The following DYNC2H1 variants were observed in gnomAD, a reference collection of about 807,000 sequenced individuals.
DYNC2H1 encodes the protein cytoplasmic dynein 2 heavy chain 1.
Under a neutral mutation model 570.0 loss-of-function variants are expected in DYNC2H1, and 410 were observed. That is an observed-to-expected ratio of 0.72 (90% CI 0.66 to 0.78). The LOEUF (loss-of-function observed/expected upper bound fraction) is 0.78, where lower values mean the gene tolerates loss of function less well. Among genes scored for constraint, DYNC2H1 ranks in the 30% least tolerant of loss-of-function variants. DYNC2H1 has a pLI of 0.00. For missense variants in DYNC2H1, 4,865 were observed against 5,046.4 expected, an observed-to-expected ratio of 0.96 and a Z score of 1.09; for synonymous variants, 1,688 against 1,677.6, an observed-to-expected ratio of 1.01 and a Z score of -0.15.
intron 73 of DYNC2H1, among the ~76,000 whole-genome samples, chr11:103,285,093 T>C (rs1866293709): frequency 6.6e-6 from 1 of 152,184 alleles, no homozygotes; most frequent in Admixed American, 6.5e-5. Flanking sequence ...TAGAAAAACA[T>C]TCTTTGTTTT....
intron 45 of DYNC2H1, among the ~76,000 whole-genome samples, chr11:103,190,960 C>CT (rs10707668): frequency 0.13 from 14,095 of 110,360 alleles, 833 homozygotes; most frequent in Non-Finnish European, 0.15. Flanking sequence ...GCTTTTTAGC[C>CT]TTTTTTTTTT....
chr11:103,232,180 G>T (rs188160761), intron 60 of DYNC2H1, among the ~76,000 whole-genome samples: 1 of 151,910 alleles, frequency 6.6e-6, no homozygotes, highest in Non-Finnish European at 1.5e-5. Context: ...GCTTGTTATG[G>T]CAATGTTTTG....
At chr11:103,283,199 A>T in intron 73 of DYNC2H1, 114 bp downstream of exon 73, 2 of 688,274 alleles carry the variant, frequency 2.9e-6, no homozygotes, top group Non-Finnish European at 4.6e-6. Flanking sequence ...ATAGGATGTA[A>T]GTTCCCCCAG....
Position 103,154,601 on chromosome 11 carries a change from T to A in DYNC2H1, c.3453T>A (p.Thr1151=). Residue 1151 remains threonine (T), a synonymous_variant, in exon 23 of 89, where the codon ACT becomes ACA. Transcript: ENST00000375735. Reference sequence around the variant, plus strand: ...AAATGGCCAATGAAGACTGGATCACTTTTCGGTTTGATTCAAAAACAATAT... The same window carrying A: ...AAATGGCCAATGAAGACTGGATCACATTTCGGTTTGATTCAAAAACAATAT... ...FQEMANEDWI[T]FRTKTYLFEE... 1 of 1,592,300 alleles carries A rather than the reference T, an allele frequency of 6.3e-7. No individual in the cohort carries two copies. The highest frequency in any genetic ancestry group is 8.5e-7 in the Non-Finnish European group (1 of 1,171,648).
intron 85 of DYNC2H1, among the ~76,000 whole-genome samples, chr11:103,441,162 A>G (rs902090966): frequency 3.9e-5 from 6 of 152,022 alleles, no homozygotes; most frequent in Admixed American, 1.3e-4. Context: ...TTCTAGCCAT[A>G]CTGGTCTTGC....
chr11:103,321,026 TAG>T lies in DYNC2H1; in HGVS notation c.11726-2_11726-1del. 1 of 1,593,046 alleles carries T rather than the reference TAG, an allele frequency of 6.3e-7. No homozygotes were observed. Among genetic ancestry groups the T allele is most frequent in the Admixed American group, 1.8e-5 (1 of 56,720 alleles). On this transcript the variant is annotated splice_acceptor_variant, in intron 80 of 88. Coordinates refer to ENST00000375735, the MANE Select transcript of DYNC2H1 (RefSeq NM_001377.3). LOFTEE classifies it high-confidence loss of function. ...ATTAATGAGTGTTTTTTTAAAATTA[TAG>T]GTGCCAAAGATGTACAATGGGAATT...
chr11:103,148,931 C>T (rs1860383641), intron 20 of DYNC2H1, among the ~76,000 whole-genome samples: 1 of 152,102 alleles, frequency 6.6e-6, no homozygotes, highest in African/African-American at 2.4e-5. Context: ...GTGGTGGGTG[C>T]CTGTAATCCC....
intron 82 of DYNC2H1, among the ~76,000 whole-genome samples, chr11:103,350,664 AG>A (rs1460519905): frequency 6.6e-6 from 1 of 152,188 alleles, no homozygotes; most frequent in African/African-American, 2.4e-5. Context: ...GTCTGAAATC[AG>A]GGTACAGCAT....
intron 4 of DYNC2H1, 48 bp from the exon 5 acceptor site, chr11:103,116,522 C>G: frequency 7.0e-7 from 1 of 1,436,700 alleles, no homozygotes; most frequent in Admixed American, 2.1e-5. Context: ...TTATATTACC[C>G]AAGGTACAAA....
chr11:103,411,651 T>C (rs1943092535), intron 84 of DYNC2H1, among the ~76,000 whole-genome samples: 1 of 152,122 alleles, frequency 6.6e-6, no homozygotes, highest in African/African-American at 2.4e-5. Flanking sequence ...TGAAACAATT[T>C]TTTAAGACCA....
At chr11:103,232,006 C>A (rs969779872) in intron 60 of DYNC2H1, among the ~76,000 whole-genome samples, 40 of 151,762 alleles carry the variant, frequency 2.6e-4, no homozygotes, top group African/African-American at 9.2e-4. Flanking sequence ...TTTCAATATT[C>A]CTGAACAATT....
At chr11:103,342,645 G>A (rs975209714) in intron 82 of DYNC2H1, among the ~76,000 whole-genome samples, 24 of 151,998 alleles carry the variant, frequency 1.6e-4, no homozygotes, top group Non-Finnish European at 5.9e-5. Flanking sequence ...TGGGACTACA[G>A]GCGCCCACCA....
At position 103,203,716 on chromosome 11, in the gene DYNC2H1, C is replaced by T; in HGVS notation, c.8251C>T (p.Leu2751Phe). 1 of 1,612,544 alleles carries T rather than the reference C, an allele frequency of 6.2e-7. No homozygotes were observed. The highest frequency in any genetic ancestry group is 8.5e-7 in the Non-Finnish European group (1 of 1,179,264). ...AGAATTAGAGCCCTTGCTGTTACCACTTAAGGATCAAGCTTCACAAGATGG... is the reference window on the plus strand; with the variant it reads ...AGAATTAGAGCCCTTGCTGTTACCATTTAAGGATCAAGCTTCACAAGATGG... ...LEELEPLLLP[L>F]KDQASQDGFF... Residue 2751 changes from leucine (L) to phenylalanine (F), a missense_variant, in exon 51 of 89, where the codon CTT becomes TTT. This residue lies in a region of DYNC2H1 where 2,401 missense variants were observed against 2,454.6 expected (regional missense o/e 0.98). Coordinates refer to ENST00000375735, the MANE Select transcript of DYNC2H1 (RefSeq NM_001377.3). The surrounding 1 kb of genome is among the most constrained non-coding windows in gnomAD (Gnocchi z 4.7).
intron 84 of DYNC2H1, among the ~76,000 whole-genome samples, chr11:103,414,174 G>A (rs1166301951): frequency 2.0e-5 from 3 of 152,100 alleles, no homozygotes; most frequent in Admixed American, 1.3e-4. Flanking sequence ...GCAAGATCAG[G>A]AAATAAAAAG....
intron 12 of DYNC2H1, among the ~76,000 whole-genome samples, chr11:103,125,675 A>T (rs1405516066): frequency 6.6e-6 from 1 of 152,120 alleles, no homozygotes; most frequent in African/African-American, 2.4e-5. Flanking sequence ...TCATTTTCTC[A>T]GTCTACCTAT....
chr11:103,354,167 G>T (rs1236444294), intron 82 of DYNC2H1, among the ~76,000 whole-genome samples: 1 of 134,848 alleles, frequency 7.4e-6, no homozygotes, highest in African/African-American at 3.0e-5. Flanking sequence ...ACAGAGCCAG[G>T]CTCTGTCTCA....
At chr11:103,383,759 C>T (rs1164327693) in intron 83 of DYNC2H1, among the ~76,000 whole-genome samples, 1 of 152,182 alleles carries the variant, frequency 6.6e-6, no homozygotes, top group African/African-American at 2.4e-5. Flanking sequence ...CAGACGTGAA[C>T]CACCATGCCC....
intron 25 of DYNC2H1, 58 bp from the exon 26 acceptor site, chr11:103,156,330 A>C: frequency 6.8e-7 from 1 of 1,461,356 alleles, no homozygotes; most frequent in Non-Finnish European, 9.2e-7. Context: ...TTTTCTATTA[A>C]TTACTTATGT....
rs1942349271 is a variant in DYNC2H1, at chr11:103,395,212, CTT to C, written c.12157-4450_12157-4449del. 6.6e-6 allele frequency among the ~76,000 whole-genome samples: 1 copy of C among 152,000 alleles called. No individual in the cohort carries two copies. The highest frequency in any genetic ancestry group is 2.1e-4 in the South Asian group (1 of 4,828). ...AATTGGAAAACTCAGCTCAAACTGA[CTT>C]ATGTGAAAAATGGAAATGTATGGTG... On this transcript the variant is annotated intron_variant, in intron 83 of 88. Transcript: ENST00000375735. This position sits in a 1 kb window ranked among gnomAD's most constrained non-coding sequence, Gnocchi z 4.3.
Sources: gnomAD v4.1 joint callset for allele counts (sites outside exome capture counted in the v4.1 genomes callset) on GRCh38, gnomAD v4.1.1 for gene constraint, gnomAD v4.1.1 regional missense constraint, Gnocchi (gnomAD v3.1) non-coding constraint, MANE v1.5 for transcripts, NCBI Gene and HGNC (gene_info 2026-07-23, HGNC 2026-07-21) for gene names.